The following SCAF4 variants were observed in gnomAD, a reference collection of about 807,000 sequenced individuals.
SCAF4 encodes SR-related and CTD-associated factor 4.
Under a neutral mutation model 129.8 loss-of-function variants are expected in SCAF4, and 25 were observed. The ratio of observed to expected loss-of-function variants is 0.19; its 90% CI spans 0.14 to 0.27. The LOEUF is 0.27. SCAF4 is among the 10% of genes least tolerant of loss of function. The probability of loss-of-function intolerance (pLI) is 1.00; values close to 1 mark genes in which losing one functional copy is unlikely to be tolerated. For missense variants in SCAF4, 1,246 were observed against 1,457.1 expected, an observed-to-expected ratio of 0.86 and a Z score of 2.36; for synonymous variants, 551 against 497.7, an observed-to-expected ratio of 1.11 and a Z score of -1.43.
chr21:31,700,792 C>A, intron 7 of SCAF4: 8 of 413,004 alleles, frequency 1.9e-5, no homozygotes, highest in South Asian at 4.1e-5. Flanking sequence ...AATTCAGCTT[C>A]AAACCCTGGA....
At chr21:31,678,487 G>A (rs549374758) in intron 19 of SCAF4, among the ~76,000 whole-genome samples, 63 of 150,474 alleles carry the variant, frequency 4.2e-4, no homozygotes, top group African/African-American at 1.4e-3. Context: ...CCAACTTCTA[G>A]AGTCTGTTTC....
chr21:31,671,200 A>G lies in SCAF4; in HGVS notation c.*199T>C, dbSNP rs2123445529. On this transcript the variant is annotated 3_prime_UTR_variant, in exon 20 of 20. Transcript: ENST00000286835. ...TTAAAAAGTTACAGCAAAAAGGGTA[A>G]TATTTATTCATATTTTCAGTATTTT... is the stretch of plus-strand genomic sequence containing the variant. 3 of 479,472 alleles carry G rather than the reference A, an allele frequency of 6.3e-6. No homozygotes were observed. The highest frequency in any genetic ancestry group is 6.3e-5 in the East Asian group (2 of 31,792). 29.7% of individuals were successfully genotyped at this position (479,472 alleles called of 1,614,324 possible). A position where few individuals can be genotyped will look rare whatever the true frequency, so the allele number is the denominator to read the frequency against.
Position 31,701,902 on chromosome 21 carries a change from T to A in SCAF4, c.474A>T (p.Pro158=). 6.2e-7 allele frequency: 1 copy of A among 1,613,734 alleles called. No homozygotes were observed. The highest frequency in any genetic ancestry group is 1.1e-5 in the South Asian group (1 of 91,004). Residue 158 remains proline, a synonymous_variant, in exon 6 of 20, where the codon CCA becomes CCT. Transcript: ENST00000286835. ...VTNNEGSPPP[P]VKVSSEPPTQ... is the part of the protein sequence containing the mutation. ...TGGGAGGTTCAGAAGAAACTTTTAC[T>A]GGAGGTGGAGGTGAGCCTAAAAAAG... is the stretch of plus-strand genomic sequence containing the variant.
At chr21:31,683,754 G>A (rs1309728465) in intron 19 of SCAF4, among the ~76,000 whole-genome samples, 2 of 151,656 alleles carry the variant, frequency 1.3e-5, no homozygotes, top group African/African-American at 4.8e-5. Flanking sequence ...ATGTTCCCTG[G>A]TTCCTAGTCC....
At chr21:31,691,098 C>T (rs2050250301) in intron 14 of SCAF4, 145 bp from the exon 15 acceptor site, 1 of 573,762 alleles carries the variant, frequency 1.7e-6, no homozygotes, top group East Asian at 3.0e-5. Flanking sequence ...CATTCAAAGC[C>T]TTATTCTCAC....
At chr21:31,711,508 G>A (rs2050798158) in intron 1 of SCAF4, among the ~76,000 whole-genome samples, 1 of 152,212 alleles carries the variant, frequency 6.6e-6, no homozygotes, top group African/African-American at 2.4e-5. Flanking sequence ...TTATGGTGAG[G>A]CAGATGTTAT....
chr21:31,719,306 AC>A (rs1470780996), intron 1 of SCAF4, among the ~76,000 whole-genome samples: 1 of 152,136 alleles, frequency 6.6e-6, no homozygotes, highest in Non-Finnish European at 1.5e-5. Flanking sequence ...AAAACAAAAA[AC>A]AAAAAACAAA....
intron 1 of SCAF4, among the ~76,000 whole-genome samples, chr21:31,731,356 C>A (rs2051351535): frequency 6.6e-6 from 1 of 152,224 alleles, no homozygotes; most frequent in Non-Finnish European, 1.5e-5. Flanking sequence ...GCGCCCAGAC[C>A]CGAAAAAGGG....
At position 31,731,818 on chromosome 21, in the gene SCAF4, G is replaced by A. The variant is rs1255077954; in HGVS notation, c.-126C>T. On this transcript the variant is annotated 5_prime_UTR_variant, in exon 1 of 20. Coordinates refer to ENST00000286835, the MANE Select transcript of SCAF4 (RefSeq NM_020706.2). The stretch of plus-strand genomic sequence containing the variant: ...GGAGGCGACGAGCGGCGGAGTCCGA[G>A]GCCCGGGCAGGAAGAGGCTGCGCCC... The A allele has an allele frequency of 4.4e-6, 5 of 1,132,088 alleles. No homozygotes were observed. Among genetic ancestry groups the A allele is most frequent in the African/African-American group, 3.3e-5 (2 of 61,198 alleles). 70.1% of individuals were successfully genotyped at this position (1,132,088 alleles called of 1,614,324 possible).
At chr21:31,692,878 T>C (rs2123535820) in intron 12 of SCAF4, among the ~76,000 whole-genome samples, 1 of 152,332 alleles carries the variant, frequency 6.6e-6, no homozygotes, top group South Asian at 2.1e-4. Flanking sequence ...TTCTTTTATG[T>C]TGTGTCCTAG....
At chr21:31,694,741 CA>C in intron 10 of SCAF4, 71 bp downstream of exon 10, 1 of 1,438,992 alleles carries the variant, frequency 6.9e-7, no homozygotes, top group Non-Finnish European at 9.7e-7. Context: ...AGACAGCAAG[CA>C]AATAAGGAGA....
intron 1 of SCAF4, among the ~76,000 whole-genome samples, chr21:31,721,364 A>C (rs538940981): frequency 4.6e-5 from 7 of 152,214 alleles, no homozygotes; most frequent in Non-Finnish European, 7.3e-5. Context: ...ATGGCCATTA[A>C]AGTTTAAAGA....
intron 7 of SCAF4, among the ~76,000 whole-genome samples, chr21:31,699,062 G>A (rs903235083): frequency 2.0e-5 from 3 of 152,024 alleles, no homozygotes; most frequent in East Asian, 1.9e-4. Context: ...GGGGAGAGAC[G>A]GGATACCAGG....
chr21:31,690,790 G>A lies in SCAF4; in HGVS notation c.1885+7C>T, dbSNP rs377584492. On this transcript the variant is annotated splice_region_variant and intron_variant, in intron 15 of 19. Coordinates refer to ENST00000286835, the MANE Select transcript of SCAF4 (RefSeq NM_020706.2). ...TGAACTGTAAGAGAAATTAAATACT[G>A]CTTTACCTGGGTTAAGTGTGTCACT... 21 of 1,609,060 alleles carry A rather than the reference G, an allele frequency of 1.3e-5. No individual in the cohort carries two copies. The highest frequency in any genetic ancestry group is 2.7e-5 in the African/African-American group (2 of 74,760).
At chr21:31,700,824 T>C (rs1347303129) in intron 7 of SCAF4, 171 bp downstream of exon 7, 25 of 771,922 alleles carry the variant, frequency 3.2e-5, no homozygotes, top group Middle Eastern at 2.3e-4. Context: ...TGAGCACATA[T>C]CACATTTAAA....
chr21:31,676,051 A>C (rs2049846870), intron 19 of SCAF4, among the ~76,000 whole-genome samples: 1 of 152,200 alleles, frequency 6.6e-6, no homozygotes, highest in Non-Finnish European at 1.5e-5. Context: ...ATAAAACATA[A>C]AATGTAAAAG....
intron 1 of SCAF4, among the ~76,000 whole-genome samples, chr21:31,718,908 A>G (rs377068355): frequency 9.2e-5 from 14 of 152,226 alleles, no homozygotes; most frequent in African/African-American, 2.7e-4. Context: ...AAATAAACAC[A>G]TGGAATTGCT....
intron 1 of SCAF4, among the ~76,000 whole-genome samples, chr21:31,717,521 T>C (rs1291090662): frequency 1.3e-5 from 2 of 152,140 alleles, no homozygotes; most frequent in Non-Finnish European, 2.9e-5. Flanking sequence ...CTGTCTGAGA[T>C]ACATCTTTGT....
intron 19 of SCAF4, among the ~76,000 whole-genome samples, chr21:31,672,738 A>G (rs573191496): frequency 6.6e-6 from 1 of 152,348 alleles, no homozygotes; most frequent in African/African-American, 2.4e-5. Flanking sequence ...TAACTATTCA[A>G]GCTAACTAAG....
Sources: gnomAD v4.1 joint callset for allele counts (sites outside exome capture counted in the v4.1 genomes callset) on GRCh38, gnomAD v4.1.1 for gene constraint, MANE v1.5 for transcripts, NCBI Gene and HGNC (gene_info 2026-07-23, HGNC 2026-07-21) for gene names.